NREP: variants seen among roughly 807,000 people sequenced by gnomAD.
NREP encodes neuronal regeneration-related protein.
Under a neutral mutation model 8.6 loss-of-function variants are expected in NREP, and 5 were observed. That is an observed-to-expected ratio of 0.58 (90% CI 0.30 to 1.22). The LOEUF is 1.22. Ranked by LOEUF, NREP falls within the 50% of genes most tolerant of loss-of-function variation. The probability of loss-of-function intolerance (pLI) is 0.07; values close to 1 mark genes in which losing one functional copy is unlikely to be tolerated. For missense variants in NREP, 86 were observed against 82.5 expected, an observed-to-expected ratio of 1.04 and a Z score of -0.17; for synonymous variants, 27 against 28.0, an observed-to-expected ratio of 0.96 and a Z score of 0.11.
rs140214278 is a variant in NREP at position 111,798,111 on chromosome 5, G to A, written c.136-62604C>T. Among the ~76,000 whole-genome samples the A allele has an allele frequency of 2.8e-3, 428 of 152,132 alleles. 3 individuals carry two copies. The highest frequency in any genetic ancestry group is 9.7e-3 in the African/African-American group (404 of 41,510). On this transcript the variant is annotated intron_variant, in intron 2 of 3. Transcript: ENST00000395634. ...TGACTTAACTTGGATATTTTGACCTGTTATAATAATAGTTGTTATTTGAAC... is the reference window on the plus strand; with the variant it reads ...TGACTTAACTTGGATATTTTGACCTATTATAATAATAGTTGTTATTTGAAC...
intron 2 of NREP, among the ~76,000 whole-genome samples, chr5:111,896,098 TAAAC>T (rs1213910278): frequency 6.6e-6 from 1 of 152,210 alleles, no homozygotes; most frequent in African/African-American, 2.4e-5. Context: ...TCTTAGCTGT[TAAAC>T]AGAATAGATT....
intron 2 of NREP, among the ~76,000 whole-genome samples, chr5:111,930,167 G>A (rs1024893566): frequency 2.4e-4 from 36 of 152,246 alleles, no homozygotes; most frequent in Non-Finnish European, 2.9e-5. Context: ...GCAATACTCT[G>A]ATTTAGCAAG....
At chr5:111,869,585 A>G (rs1753741052) in intron 2 of NREP, among the ~76,000 whole-genome samples, 1 of 152,152 alleles carries the variant, frequency 6.6e-6, no homozygotes, top group Admixed American at 6.5e-5. Context: ...GTATAATGTC[A>G]TGGCTAACTC....
chr5:111,768,007 AT>A (rs1751126485), intron 2 of NREP, among the ~76,000 whole-genome samples: 1 of 152,202 alleles, frequency 6.6e-6, no homozygotes, highest in Non-Finnish European at 1.5e-5. Flanking sequence ...CCTATTTAAA[AT>A]TCTAGTTAGA....
intron 2 of NREP, among the ~76,000 whole-genome samples, chr5:111,874,152 C>T (rs73787707): frequency 0.013 from 1,919 of 151,960 alleles, 24 homozygotes; most frequent in African/African-American, 0.032. Context: ...ATGAACAGGC[C>T]CAAGATAGGA....
At chr5:111,874,178 A>G (rs1330128433) in intron 2 of NREP, among the ~76,000 whole-genome samples, 5 of 148,590 alleles carry the variant, frequency 3.4e-5, no homozygotes, top group Non-Finnish European at 5.9e-5. Context: ...TCATTTTCAT[A>G]TATGTTTTAA....
At chr5:111,760,357 C>A (rs779860387), upstream of NREP, among the ~76,000 whole-genome samples, 31 of 152,176 alleles carry the variant, frequency 2.0e-4, no homozygotes, top group Admixed American at 5.9e-4. Context: ...GGTAGCCTCC[C>A]TTGAGTTATG....
intron 2 of NREP, among the ~76,000 whole-genome samples, chr5:111,831,452 C>T (rs6896255): frequency 0.06 from 9,134 of 152,188 alleles, 836 homozygotes; most frequent in African/African-American, 0.2. Flanking sequence ...ACAAAAGCCA[C>T]TCAACAATGG....
intron 2 of NREP, among the ~76,000 whole-genome samples, chr5:111,967,008 A>G (rs1756661373): frequency 6.6e-6 from 1 of 152,222 alleles, no homozygotes; most frequent in South Asian, 2.1e-4. Flanking sequence ...ACATCTGGCC[A>G]TGTCTAAAGA....
intron 2 of NREP, among the ~76,000 whole-genome samples, chr5:111,785,317 C>CA (rs1284982953): frequency 6.6e-6 from 1 of 152,102 alleles, no homozygotes; most frequent in Non-Finnish European, 1.5e-5. Flanking sequence ...CTCCTTCTGT[C>CA]ATCCAGGCTG....
chr5:111,894,983 C>G (rs1202920838), intron 2 of NREP, among the ~76,000 whole-genome samples: 2 of 152,196 alleles, frequency 1.3e-5, no homozygotes, highest in Non-Finnish European at 2.9e-5. Context: ...TTAGAGAGCT[C>G]TTAGAATACC....
chr5:111,906,671 T>C (rs1181543686), intron 2 of NREP, among the ~76,000 whole-genome samples: 2 of 152,192 alleles, frequency 1.3e-5, no homozygotes, highest in East Asian at 3.9e-4. Flanking sequence ...CTTTAGCATA[T>C]ATACAATACT....
intron 2 of NREP, among the ~76,000 whole-genome samples, chr5:111,848,817 T>A (rs1481539001): frequency 6.6e-6 from 1 of 152,098 alleles, no homozygotes; most frequent in African/African-American, 2.4e-5. Flanking sequence ...GTCAGCAGAG[T>A]TACAAGTTCC....
chr5:111,775,975 T>C (rs1751347770), intron 2 of NREP, among the ~76,000 whole-genome samples: 1 of 152,156 alleles, frequency 6.6e-6, no homozygotes, highest in Admixed American at 6.6e-5. Context: ...TAAGAGACTT[T>C]CAAATTAAAA....
At chr5:111,957,904 A>G (rs777568429) in intron 2 of NREP, among the ~76,000 whole-genome samples, 15 of 151,956 alleles carry the variant, frequency 9.9e-5, no homozygotes, top group Non-Finnish European at 2.1e-4. Context: ...CTACCTCAAA[A>G]TTTAAATGAT....
upstream of NREP, chr5:111,757,822 T>C (rs563632444): frequency 2.1e-6 from 2 of 964,178 alleles, no homozygotes; most frequent in Admixed American, 1.2e-4. Flanking sequence ...TTCAGACAAA[T>C]AAGGAGGTGG....
intron 2 of NREP, among the ~76,000 whole-genome samples, chr5:111,923,583 G>A (rs532089412): frequency 1.3e-5 from 2 of 152,282 alleles, no homozygotes; most frequent in Non-Finnish European, 2.9e-5. Context: ...ATTATGTGGG[G>A]TATAAACAGT....
chr5:111,950,591 T>C (rs578332), intron 2 of NREP, among the ~76,000 whole-genome samples: 147,832 of 152,140 alleles, frequency 0.97, 71,906 homozygotes, highest in Non-Finnish European at 0.99. Context: ...AAAGAAACTA[T>C]CATCAGAGTG....
intron 2 of NREP, among the ~76,000 whole-genome samples, chr5:111,871,056 G>GTGTA (rs1753778843): frequency 7.3e-6 from 1 of 137,900 alleles, no homozygotes; most frequent in Non-Finnish European, 1.6e-5. Flanking sequence ...CCAATGGCGT[G>GTGTA]TGTGTGTGTG....
Sources: allele counts gnomAD v4.1 joint callset (sites outside exome capture counted in the v4.1 genomes callset), GRCh38; gene constraint gnomAD v4.1.1; transcripts MANE v1.5; gene names NCBI Gene and HGNC (gene_info 2026-07-23, HGNC 2026-07-21).